FLRT2: variants seen among roughly 807,000 people sequenced by gnomAD.
FLRT2 encodes leucine-rich repeat transmembrane protein FLRT2.
In FLRT2, 15 loss-of-function variants were observed where a neutral mutation model predicts 40.0. The ratio of observed to expected loss-of-function variants is 0.38; its 90% CI spans 0.25 to 0.58. FLRT2 has a LOEUF of 0.58. FLRT2 is among the 20% of genes least tolerant of loss of function. FLRT2 has a pLI of 0.71. For synonymous variants in FLRT2, 380 were observed against 336.8 expected (o/e 1.13, Z -1.41); for missense variants, 726 against 840.0 (o/e 0.86, Z 1.68).
rs544064008 is a variant in FLRT2 at position 85,644,901 on chromosome 14, C to T, written c.*21404C>T. ...ATGCAGTTTGTAAAACTTTGCCAATCTCGTAGGAGATTAATAGCGTAGAGC... is the reference window on the plus strand; with the variant it reads ...ATGCAGTTTGTAAAACTTTGCCAATTTCGTAGGAGATTAATAGCGTAGAGC... On this transcript the variant is annotated 3_prime_UTR_variant, in exon 2 of 2. Transcript: ENST00000330753. 6.6e-6 allele frequency: 1 copy of T among 152,286 alleles called. No individual in the cohort carries two copies. The highest frequency in any genetic ancestry group is 1.9e-4 in the East Asian group (1 of 5,168). 9.4% of individuals were successfully genotyped at this position (152,286 alleles called of 1,614,324 possible).
rs1893370954 is a variant in FLRT2 at position 85,621,379 on chromosome 14, A to ACGC, written c.-134_-132dup. 1.4e-6 allele frequency: 1 copy of ACGC among 724,992 alleles called. No homozygotes were observed. The highest frequency in any genetic ancestry group is 2.2e-6 in the Non-Finnish European group (1 of 451,870). 44.9% of individuals were successfully genotyped at this position (724,992 alleles called of 1,614,324 possible). On this transcript the variant is annotated 5_prime_UTR_variant, in exon 2 of 2. Transcript: ENST00000330753. The stretch of plus-strand genomic sequence containing the variant: ...GACAGCAGGGAGATTATTTTACCAT[A>ACGC]CGCCCTCAGGACGTTCCCTCTAGCT...
chr14:85,538,506 C>T lies in FLRT2; in HGVS notation c.-377+7972C>T, dbSNP rs562676162. Among the ~76,000 whole-genome samples the T allele has an allele frequency of 4.6e-5, 7 of 150,706 alleles. No homozygotes were observed. In the South Asian group the frequency reaches 1.3e-3, roughly 28 times the overall value. Reference sequence around the variant, plus strand: ...TACTTTTAAGGGAATGTGCAAGAAACTTGGAAAAAGGTCTTCTGTTCCCTT... The same window carrying T: ...TACTTTTAAGGGAATGTGCAAGAAATTTGGAAAAAGGTCTTCTGTTCCCTT... On this transcript the variant is annotated intron_variant, in intron 1 of 1. Transcript: ENST00000330753.
At chr14:85,540,574 A>G (rs1056962946) in intron 1 of FLRT2, among the ~76,000 whole-genome samples, 1 of 152,180 alleles carries the variant, frequency 6.6e-6, no homozygotes, top group African/African-American at 2.4e-5. Flanking sequence ...GGTGAAATCT[A>G]TATTTATAAA....
intron 1 of FLRT2, among the ~76,000 whole-genome samples, chr14:85,595,900 G>A (rs1892118604): frequency 6.6e-6 from 1 of 152,128 alleles, no homozygotes; most frequent in Admixed American, 6.5e-5. Flanking sequence ...GATTTGGAAG[G>A]GTTCACTTGG....
At chr14:85,590,203 A>T (rs1891818952) in intron 1 of FLRT2, among the ~76,000 whole-genome samples, 1 of 152,108 alleles carries the variant, frequency 6.6e-6, no homozygotes, top group South Asian at 2.1e-4. Context: ...GACTATCAAA[A>T]ATGTCTCCAA....
At chr14:85,548,868 TC>T (rs2139821267) in intron 1 of FLRT2, among the ~76,000 whole-genome samples, 1 of 152,152 alleles carries the variant, frequency 6.6e-6, no homozygotes, top group East Asian at 1.9e-4. Context: ...GCCTGCCCTG[TC>T]CCCCATCCTG....
chr14:85,651,178 T>A lies in FLRT2; in HGVS notation c.*27681T>A, dbSNP rs2139411106. 1 of 152,290 alleles carries A rather than the reference T, an allele frequency of 6.6e-6. No homozygotes were observed. The highest frequency in any genetic ancestry group is 1.5e-5 in the Non-Finnish European group (1 of 68,022). 9.4% of individuals were successfully genotyped at this position (152,290 alleles called of 1,614,324 possible). On this transcript the variant is annotated 3_prime_UTR_variant, in exon 2 of 2. Transcript: ENST00000330753. ...TTAGGATAATGTCTCAAAACTTTTT[T>A]GGTATATAGATATCTTTAATTACAT...
At chr14:85,607,053 T>C (rs2139344132) in intron 1 of FLRT2, among the ~76,000 whole-genome samples, 1 of 152,002 alleles carries the variant, frequency 6.6e-6, no homozygotes, top group South Asian at 2.1e-4. Flanking sequence ...TCATAATAGC[T>C]AAGGTTTTTT....
chr14:85,548,323 G>A (rs1330200586), intron 1 of FLRT2, among the ~76,000 whole-genome samples: 1 of 152,198 alleles, frequency 6.6e-6, no homozygotes, highest in African/African-American at 2.4e-5. Context: ...CATAGAAGAA[G>A]CTTCCTTTGT....
In FLRT2 at chr14:85,550,240, C is replaced by T. The variant is rs182955403; in HGVS notation, c.-377+19706C>T. ...CTATAAACGAGAAAATAGCCACATTCGTAATATATTCTATGGGGACAGTGC... is the reference window on the plus strand; with the variant it reads ...CTATAAACGAGAAAATAGCCACATTTGTAATATATTCTATGGGGACAGTGC... On this transcript the variant is annotated intron_variant, in intron 1 of 1. Transcript: ENST00000330753. Among the ~76,000 whole-genome samples the T allele has an allele frequency of 4.6e-5, 7 of 152,152 alleles. No homozygotes were observed. The East Asian group carries it at 9.7e-4, about 21-fold the overall frequency.
Position 85,646,295 on chromosome 14 carries a change from T to C in FLRT2, c.*22798T>C, listed in dbSNP as rs542115657. On this transcript the variant is annotated 3_prime_UTR_variant, in exon 2 of 2. Transcript: ENST00000330753. Reference sequence around the variant, plus strand: ...ACACTGTCATTCAGAATAAGATGTATGATCTGAATTAGTGGCCAATACCTG... The same window carrying C: ...ACACTGTCATTCAGAATAAGATGTACGATCTGAATTAGTGGCCAATACCTG... The C allele has an allele frequency of 6.6e-6, 1 of 152,222 alleles. No homozygotes were observed. Among genetic ancestry groups the C allele is most frequent in the Non-Finnish European group, 1.5e-5 (1 of 68,044 alleles). 9.4% of individuals were successfully genotyped at this position (152,222 alleles called of 1,614,324 possible). A position where few individuals can be genotyped will look rare whatever the true frequency, so the allele number is the denominator to read the frequency against.
chr14:85,650,144 T>C lies in FLRT2; in HGVS notation c.*26647T>C, dbSNP rs1481513092. On this transcript the variant is annotated 3_prime_UTR_variant, in exon 2 of 2. Transcript: ENST00000330753. ...TTGTCAAATACTTACTACGTTCATA[T>C]GTATTGATGTACAGTATAGCCTTAT... 1.3e-5 allele frequency: 2 copies of C among 152,112 alleles called. No individual in the cohort carries two copies. The highest frequency in any genetic ancestry group is 2.9e-5 in the Non-Finnish European group (2 of 67,964). 9.4% of individuals were successfully genotyped at this position (152,112 alleles called of 1,614,324 possible). A position where few individuals can be genotyped will look rare whatever the true frequency, so the allele number is the denominator to read the frequency against.
At position 85,628,896 on chromosome 14, in the gene FLRT2, G is replaced by A. The variant is rs1416419574; in HGVS notation, c.*5399G>A. On this transcript the variant is annotated 3_prime_UTR_variant, in exon 2 of 2. Coordinates refer to ENST00000330753, the MANE Select transcript of FLRT2 (RefSeq NM_013231.6). ...CATTCATTCAAAATAATTCATTAATGTCCTCCTACTCTGTTCCAAACACTA... is the reference window on the plus strand; with the variant it reads ...CATTCATTCAAAATAATTCATTAATATCCTCCTACTCTGTTCCAAACACTA... 6.6e-6 allele frequency: 1 copy of A among 152,142 alleles called. No homozygotes were observed. Among genetic ancestry groups the A allele is most frequent in the Non-Finnish European group, 1.5e-5 (1 of 68,026 alleles). 9.4% of individuals were successfully genotyped at this position (152,142 alleles called of 1,614,324 possible).
intron 1 of FLRT2, among the ~76,000 whole-genome samples, chr14:85,550,295 A>G (rs772494359): frequency 7.9e-5 from 12 of 152,192 alleles, no homozygotes; most frequent in Non-Finnish European, 1.5e-4. Flanking sequence ...GGAATTCTCA[A>G]GTACGAGATT....
Position 85,635,442 on chromosome 14 carries a change from A to G in FLRT2, c.*11945A>G, listed in dbSNP as rs1040785980. ...AACTATATTACTAAGTAGACTATTA[A>G]TAAAACACTTTATTTAAGTCAAAAT... On this transcript the variant is annotated 3_prime_UTR_variant, in exon 2 of 2. Coordinates refer to ENST00000330753, the MANE Select transcript of FLRT2 (RefSeq NM_013231.6). 1 of 152,150 alleles carries G rather than the reference A, an allele frequency of 6.6e-6. No individual in the cohort carries two copies. Among genetic ancestry groups the G allele is most frequent in the Non-Finnish European group, 1.5e-5 (1 of 67,986 alleles). The allele number at this position is 152,150 out of a possible 1,614,324, so 9.4% of individuals were successfully genotyped here. A position where few individuals can be genotyped will look rare whatever the true frequency, so the allele number is the denominator to read the frequency against.
chr14:85,577,365 C>T (rs146119751), intron 1 of FLRT2, among the ~76,000 whole-genome samples: 1 of 152,204 alleles, frequency 6.6e-6, no homozygotes, highest in Non-Finnish European at 1.5e-5. Flanking sequence ...AGTGCTCTTA[C>T]AAAATTCCTG....
At chr14:85,540,306 C>A (rs955030377) in intron 1 of FLRT2, among the ~76,000 whole-genome samples, 1 of 152,104 alleles carries the variant, frequency 6.6e-6, no homozygotes, top group Non-Finnish European at 1.5e-5. Flanking sequence ...ATGAAGCCAA[C>A]GTGTATTCCA....
At chr14:85,617,160 G>A (rs1365323539) in intron 1 of FLRT2, among the ~76,000 whole-genome samples, 2 of 152,160 alleles carry the variant, frequency 1.3e-5, no homozygotes, top group Non-Finnish European at 2.9e-5. Context: ...CAAAATGTCA[G>A]TAGTGCTTAG....
intron 1 of FLRT2, among the ~76,000 whole-genome samples, chr14:85,547,995 A>G (rs1377579949): frequency 6.6e-6 from 1 of 152,208 alleles, no homozygotes; most frequent in African/African-American, 2.4e-5. Flanking sequence ...TATCTCAGTG[A>G]GCAGAGTGGT....
Sources: gnomAD v4.1 joint callset for allele counts (sites outside exome capture counted in the v4.1 genomes callset) on GRCh38, gnomAD v4.1.1 for gene constraint, MANE v1.5 for transcripts, NCBI Gene and HGNC (gene_info 2026-07-23, HGNC 2026-07-21) for gene names.